The following FBXO4 variants were observed in gnomAD, a reference collection of about 807,000 sequenced individuals.
FBXO4 encodes the protein F-box protein 4.
Under a neutral mutation model 43.7 loss-of-function variants are expected in FBXO4, and 36 were observed. The observed-to-expected ratio is 0.82, with a 90% CI of 0.63 to 1.09. FBXO4 has a LOEUF of 1.09. Among genes scored for constraint, FBXO4 ranks in the 50% least tolerant of loss-of-function variants. The probability of loss-of-function intolerance (pLI) is 0.00; values close to 1 mark genes in which losing one functional copy is unlikely to be tolerated. For missense variants in FBXO4, 435 were observed against 474.1 expected (o/e 0.92, Z 0.77); for synonymous variants, 180 against 165.6 (o/e 1.09, Z -0.67).
chr5:41,950,573 G>T, the FBXO4 span, among the ~76,000 whole-genome samples: 2 of 152,206 alleles, frequency 1.3e-5, no homozygotes, highest in Non-Finnish European at 2.9e-5. Flanking sequence ...ACAGATTCTA[G>T]AGAGGATGTG....
the FBXO4 span, among the ~76,000 whole-genome samples, chr5:41,994,978 G>A: frequency 1.3e-5 from 2 of 152,242 alleles, no homozygotes; most frequent in East Asian, 3.9e-4. Flanking sequence ...ACTGGGTGCT[G>A]ATTCAGAGCA....
chr5:41,975,252 G>A, the FBXO4 span, among the ~76,000 whole-genome samples: 1 of 152,238 alleles, frequency 6.6e-6, no homozygotes, highest in East Asian at 1.9e-4. Flanking sequence ...AGGGAAGCAA[G>A]TGCTTACATC....
the FBXO4 span, among the ~76,000 whole-genome samples, chr5:41,999,459 G>GTATAATATATATA: frequency 3.0e-5 from 2 of 66,364 alleles, no homozygotes; most frequent in African/African-American, 1.4e-4. Context: ...GTGTGTGTGT[G>GTATAATATATATA]TGTGTGTATA....
the FBXO4 span, among the ~76,000 whole-genome samples, chr5:41,987,779 C>T: frequency 6.6e-6 from 1 of 152,164 alleles, no homozygotes; most frequent in African/African-American, 2.4e-5. Flanking sequence ...TCATCAAAGG[C>T]ATTCTTCATT....
chr5:41,946,223 A>G (rs1752075928), downstream of FBXO4, among the ~76,000 whole-genome samples: 1 of 152,178 alleles, frequency 6.6e-6, no homozygotes, highest in Non-Finnish European at 1.5e-5. Context: ...TCTGCCTGGG[A>G]ACAAAGAGAG....
At chr5:41,980,774 T>A in the FBXO4 span, among the ~76,000 whole-genome samples, 23 of 145,660 alleles carry the variant, frequency 1.6e-4, 1 homozygote, top group Admixed American at 6.8e-4. Flanking sequence ...TACCTGTGTA[T>A]TTTTTTTTTG....
chr5:41,950,732 T>C, the FBXO4 span, among the ~76,000 whole-genome samples: 1 of 152,226 alleles, frequency 6.6e-6, no homozygotes, highest in Non-Finnish European at 1.5e-5. Flanking sequence ...CAAAGGATTA[T>C]AAATCATTCT....
the FBXO4 span, among the ~76,000 whole-genome samples, chr5:42,035,835 A>G: frequency 6.6e-6 from 1 of 152,094 alleles, no homozygotes; most frequent in Non-Finnish European, 1.5e-5. Context: ...GAAGTACTGA[A>G]TGGTTAAGAT....
At chr5:41,975,480 GT>G in the FBXO4 span, among the ~76,000 whole-genome samples, 1 of 152,180 alleles carries the variant, frequency 6.6e-6, no homozygotes, top group South Asian at 2.1e-4. Context: ...AGAATATTGT[GT>G]GTATTAATGA....
chr5:42,027,516 A>AT, the FBXO4 span, among the ~76,000 whole-genome samples: 16,694 of 150,788 alleles, frequency 0.11, 1,450 homozygotes, highest in African/African-American at 0.24. Flanking sequence ...GATCTTTTGT[A>AT]TTTTTTCATT....
the FBXO4 span, among the ~76,000 whole-genome samples, chr5:41,991,953 C>T: frequency 6.6e-6 from 1 of 152,094 alleles, no homozygotes; most frequent in Non-Finnish European, 1.5e-5. Flanking sequence ...TGGGGCATGC[C>T]TGTAATCCCA....
intron 5 of FBXO4, chr5:41,935,133 T>C (rs1751815848): frequency 1.0e-6 from 1 of 985,230 alleles, no homozygotes; most frequent in Admixed American, 6.1e-5. Context: ...CCTACAGGCA[T>C]GTTGCAGTTA....
At chr5:41,981,228 A>C in the FBXO4 span, among the ~76,000 whole-genome samples, 1 of 152,194 alleles carries the variant, frequency 6.6e-6, no homozygotes, top group Non-Finnish European at 1.5e-5. Context: ...AGCTGGTATG[A>C]TTTAATTTGG....
At chr5:42,034,777 T>C in the FBXO4 span, among the ~76,000 whole-genome samples, 1,140 of 152,342 alleles carry the variant, frequency 7.5e-3, 10 homozygotes, top group Middle Eastern at 0.024. Context: ...CCTTGTAGTA[T>C]AGTTTGAAGT....
the FBXO4 span, among the ~76,000 whole-genome samples, chr5:42,006,645 A>T: frequency 6.6e-6 from 1 of 151,726 alleles, no homozygotes; most frequent in Non-Finnish European, 1.5e-5. Flanking sequence ...AGAAGGAAGA[A>T]AGGAAGAAGG....
downstream of FBXO4, among the ~76,000 whole-genome samples, chr5:41,945,886 C>T (rs1174834106): frequency 6.6e-6 from 1 of 152,144 alleles, no homozygotes; most frequent in Non-Finnish European, 1.5e-5. Flanking sequence ...TCTTGCTAAT[C>T]ATAGGTTATG....
chr5:41,939,864 T>G (rs1387064107), intron 6 of FBXO4, among the ~76,000 whole-genome samples: 12 of 138,580 alleles, frequency 8.7e-5, no homozygotes, highest in African/African-American at 2.6e-4. Context: ...TTTTTTTTTT[T>G]GTTGAGACAG....
chr5:41,959,843 A>G, the FBXO4 span, among the ~76,000 whole-genome samples: 1 of 152,136 alleles, frequency 6.6e-6, no homozygotes, highest in Admixed American at 6.5e-5. Context: ...TTGGCTATTC[A>G]GTCTTTTGTG....
intron 2 of FBXO4, among the ~76,000 whole-genome samples, chr5:41,929,371 G>C (rs1751606378): frequency 6.6e-6 from 1 of 152,152 alleles, no homozygotes; most frequent in Non-Finnish European, 1.5e-5. Context: ...TCCTAGGGTT[G>C]AGAACCTTTA....
Sources: allele counts gnomAD v4.1 joint callset (sites outside exome capture counted in the v4.1 genomes callset), GRCh38; gene constraint gnomAD v4.1.1; transcripts MANE v1.5; gene names NCBI Gene and HGNC (gene_info 2026-07-23, HGNC 2026-07-21).